ITIH5: variants seen among roughly 807,000 people sequenced by gnomAD.
ITIH5 encodes the protein inter-alpha-trypsin inhibitor heavy chain H5.
ITIH5 carries 65 observed loss-of-function variants against 77.5 expected under a neutral mutation model. The ratio of observed to expected loss-of-function variants is 0.84; its 90% CI spans 0.69 to 1.03. The LOEUF is 1.03. Ranked by LOEUF, ITIH5 falls within the 50% of genes least tolerant of loss-of-function variation. ITIH5 has a pLI of 0.00. For synonymous variants in ITIH5, 525 were observed against 494.3 expected (o/e 1.06, Z -0.82); for missense variants, 1,208 against 1,213.1 (o/e 1.00, Z 0.06).
At chr10:7,607,800 G>A (rs966857872) in intron 7 of ITIH5, among the ~76,000 whole-genome samples, 3 of 152,222 alleles carry the variant, frequency 2.0e-5, no homozygotes, top group African/African-American at 7.2e-5. Context: ...TGCAACAAGA[G>A]CGAAGCTCAG....
chr10:7,562,938 G>T lies in ITIH5; in HGVS notation c.*145C>A, dbSNP rs994533161. The stretch of plus-strand genomic sequence containing the variant: ...ACCCCTACCCTTCGCCCAGACAGAC[G>T]TCGGATCTATGCTGCACCAGGGGTG... On this transcript the variant is annotated 3_prime_UTR_variant, in exon 14 of 14. Transcript: ENST00000397146. The T allele has an allele frequency of 4.3e-6, 2 of 464,456 alleles. No individual in the cohort carries two copies. Among genetic ancestry groups the T allele is most frequent in the Admixed American group, 2.4e-5 (1 of 42,102 alleles). The allele number at this position is 464,456 out of a possible 1,614,324, so 28.8% of individuals were successfully genotyped here. A position where few individuals can be genotyped will look rare whatever the true frequency, so the allele number is the denominator to read the frequency against.
chr10:7,569,861 A>G (rs374700143), intron 11 of ITIH5, 77 bp from the exon 12 acceptor site: 7 of 703,062 alleles, frequency 1.0e-5, no homozygotes, highest in Non-Finnish European at 1.1e-5. Flanking sequence ...GCTACTCTCT[A>G]TTTTCTCATG....
chr10:7,637,477 C>T lies in ITIH5; in HGVS notation c.403G>A (p.Glu135Lys), dbSNP rs143806315. 7.4e-6 allele frequency: 12 copies of T among 1,613,380 alleles called. No individual in the cohort carries two copies. In the South Asian group the frequency reaches 1.3e-4, roughly 18 times the overall value. ...KRNKTTEENG[E>K]KGTEIFRASA... The stretch of plus-strand genomic sequence containing the variant: ...GCTCTGAATATTTCAGTCCCCTTCT[C>T]TCTGTCAGGAAAAAGGAAAAGGACC... The change falls in exon 5 of 14, where the codon GAG (glutamate) becomes AAG (lysine). Residue 135 changes from glutamate (E) to lysine (K), a missense_variant and splice_region_variant. Coordinates refer to ENST00000397146, the MANE Select transcript of ITIH5 (RefSeq NM_030569.7).
chr10:7,615,998 C>T lies in ITIH5; in HGVS notation c.923G>A (p.Gly308Glu), dbSNP rs1833357104. 2 of 1,607,154 alleles carry T rather than the reference C, an allele frequency of 1.2e-6. No individual in the cohort carries two copies. The highest frequency in any genetic ancestry group is 4.5e-5 in the East Asian group (2 of 44,856). ...FVLDSSASMVGTKLRQTKDAL... is the reference protein window; with the variant it reads ...FVLDSSASMVETKLRQTKDAL... ...CTCACTCACCTGCCGGAGTTTGGTT[C>T]CCACCATAGAAGCACTGCTGTCAAG... The change falls in exon 7 of 14, where the codon GGA (glycine) becomes GAA (glutamate). Residue 308 changes from glycine to glutamate, a missense_variant. Coordinates refer to ENST00000397146, the MANE Select transcript of ITIH5 (RefSeq NM_030569.7).
intron 7 of ITIH5, among the ~76,000 whole-genome samples, chr10:7,592,907 C>T (rs1488156157): frequency 1.3e-5 from 2 of 152,070 alleles, no homozygotes; most frequent in African/African-American, 4.8e-5. Context: ...GGGTGCTGGG[C>T]CCAGTTCTCA....
At chr10:7,603,803 C>T (rs562577569) in intron 7 of ITIH5, among the ~76,000 whole-genome samples, 147 of 152,026 alleles carry the variant, frequency 9.7e-4, no homozygotes, top group African/African-American at 1.5e-3. Context: ...CAGGATGGTC[C>T]CGATCTCCTG....
chr10:7,622,413 G>GT (rs1833488213), intron 5 of ITIH5: 1 of 152,092 alleles, frequency 6.6e-6, no homozygotes, highest in South Asian at 2.1e-4. Flanking sequence ...GATCTCATAT[G>GT]TAAGGTACCC....
rs1484392768 is a variant in ITIH5, at chr10:7,579,996, T to C, written c.1177A>G (p.Ile393Val). The change falls in exon 9 of 14, where the codon ATT (isoleucine) becomes GTT (valine). Residue 393 changes from isoleucine (I) to valine (V), a missense_variant. Transcript: ENST00000397146. ...LLNKYVAHSGIGDRSVSLIVF... is the reference protein window; with the variant it reads ...LLNKYVAHSGVGDRSVSLIVF... Reference sequence around the variant, plus strand: ...ATGAGGGACACGCTCCGGTCTCCAATGCCACTGTGGGCCACGTACTTGTTG... The same window carrying C: ...ATGAGGGACACGCTCCGGTCTCCAACGCCACTGTGGGCCACGTACTTGTTG... The C allele has an allele frequency of 6.2e-7, 1 of 1,614,064 alleles. No individual in the cohort carries two copies. Among genetic ancestry groups the C allele is most frequent in the Non-Finnish European group, 8.5e-7 (1 of 1,180,004 alleles).
intron 7 of ITIH5, among the ~76,000 whole-genome samples, chr10:7,611,913 A>T (rs1008376317): frequency 7.1e-6 from 1 of 141,532 alleles, no homozygotes; most frequent in Non-Finnish European, 1.5e-5. Context: ...TCCACCTGCA[A>T]TTTTTTTTTT....
At chr10:7,589,618 C>G (rs1051165232) in intron 7 of ITIH5, among the ~76,000 whole-genome samples, 2 of 152,072 alleles carry the variant, frequency 1.3e-5, no homozygotes, top group South Asian at 4.2e-4. Context: ...TCCCAGGGCT[C>G]GGAGACCTCC....
chr10:7,640,917 T>A, intron 3 of ITIH5, 62 bp from the exon 4 acceptor site: 1 of 1,068,830 alleles, frequency 9.4e-7, no homozygotes, highest in Non-Finnish European at 1.5e-6. Flanking sequence ...CAGACATGGA[T>A]CTTATAACCA....
At chr10:7,631,244 T>C (rs1248244425) in intron 5 of ITIH5, among the ~76,000 whole-genome samples, 1 of 152,152 alleles carries the variant, frequency 6.6e-6, no homozygotes, top group Non-Finnish European at 1.5e-5. Flanking sequence ...GCAATAGATT[T>C]ATAAAAGCTC....
chr10:7,640,947 T>C, intron 3 of ITIH5, 92 bp from the exon 4 acceptor site: 1 of 860,086 alleles, frequency 1.2e-6, no homozygotes. Flanking sequence ...CAGGAAATAT[T>C]TTTATTTGCC....
At chr10:7,632,652 G>C (rs1264380684) in intron 5 of ITIH5, among the ~76,000 whole-genome samples, 1 of 152,092 alleles carries the variant, frequency 6.6e-6, no homozygotes, top group South Asian at 2.1e-4. Context: ...CAAAAGTACA[G>C]CTCCGTAGCC....
At chr10:7,640,716 A>G in intron 4 of ITIH5, 38 bp downstream of exon 4, 1 of 1,408,124 alleles carries the variant, frequency 7.1e-7, no homozygotes, top group South Asian at 1.2e-5. Context: ...GCACTTTGCT[A>G]AAATGGGTTT....
chr10:7,565,510 CATAT>C (rs1329573030), intron 13 of ITIH5, among the ~76,000 whole-genome samples: 1 of 149,426 alleles, frequency 6.7e-6, no homozygotes, highest in Non-Finnish European at 1.5e-5. Flanking sequence ...TATATGTGTG[CATAT>C]ATAGACTGTA....
chr10:7,662,864 T>G (rs192646716), intron 1 of ITIH5, among the ~76,000 whole-genome samples: 92 of 152,310 alleles, frequency 6.0e-4, no homozygotes, highest in Non-Finnish European at 8.8e-5. Context: ...ACTGGCTTTG[T>G]TTTTTAAAGA....
Position 7,637,373 on chromosome 10 carries a change from C to G in ITIH5, c.507G>C (p.Lys169Asn). 6.2e-7 allele frequency: 1 copy of G among 1,614,244 alleles called. No individual in the cohort carries two copies. The highest frequency in any genetic ancestry group is 8.5e-7 in the Non-Finnish European group (1 of 1,180,046). Residue 169 changes from lysine to asparagine, a missense_variant, in exon 5 of 14, where the codon AAG (lysine) becomes AAC (asparagine). Lys to Asn is a moderately conservative substitution (Grantham distance 94). Coordinates refer to ENST00000397146, the MANE Select transcript of ITIH5 (RefSeq NM_030569.7). ...GCCGCACGCTGATGCTGTGCTCGTACTTGCCCAGGCGCCTCTGCAGAAGCT... is the reference window on the plus strand; with the variant it reads ...GCCGCACGCTGATGCTGTGCTCGTAGTTGCCCAGGCGCCTCTGCAGAAGCT... ...YEELLQRRLG[K>N]YEHSISVRPQ...
chr10:7,571,977 C>G, intron 11 of ITIH5: 1 of 1,005,838 alleles, frequency 9.9e-7, no homozygotes, highest in Non-Finnish European at 1.2e-6. Flanking sequence ...TGTGCACATA[C>G]CACACCATTT....
Sources: allele counts gnomAD v4.1 joint callset (sites outside exome capture counted in the v4.1 genomes callset), GRCh38; gene constraint gnomAD v4.1.1; transcripts MANE v1.5; gene names NCBI Gene and HGNC (gene_info 2026-07-23, HGNC 2026-07-21).